Variants in ZFYVE9 observed in about 807,000 individuals in gnomAD.
ZFYVE9 encodes the protein zinc finger FYVE-type containing 9.
A neutral mutation model predicts 126.7 loss-of-function variants in ZFYVE9; 43 were observed. The ratio of observed to expected loss-of-function variants is 0.34; its 90% CI spans 0.27 to 0.44. The LOEUF (loss-of-function observed/expected upper bound fraction) is 0.44. Ranked by LOEUF, ZFYVE9 falls within the 20% of genes least tolerant of loss-of-function variation. The pLI is 1.00. For synonymous variants in ZFYVE9, 521 were observed against 597.4 expected (o/e 0.87, Z 1.87); for missense variants, 1,476 against 1,697.0 (o/e 0.87, Z 2.29).
At position 52,238,501 on chromosome 1, in the gene ZFYVE9, C is replaced by T; in HGVS notation, c.1084C>T (p.Leu362Phe). The T allele has an allele frequency of 6.2e-7, 1 of 1,614,068 alleles. No individual in the cohort carries two copies. The highest frequency in any genetic ancestry group is 8.5e-7 in the Non-Finnish European group (1 of 1,179,966). The part of the protein sequence containing the change: ...NNDCERCSDC[L>F]VPNEVRADEN... The stretch of plus-strand genomic sequence containing the variant: ...TGACTGTGAACGGTGTTCAGATTGC[C>T]TTGTGCCTAATGAAGTTAGGGCTGA... Residue 362 changes from leucine to phenylalanine, a missense_variant, in exon 4 of 19, where the codon CTT (leucine) becomes TTT (phenylalanine). Around this residue, in one of 2 missense-constraint regions of ZFYVE9, gnomAD observed 807 missense variants for 794.6 expected, o/e 1.02. Transcript: ENST00000287727.
chr1:52,304,164 G>T (rs1646060475), intron 13 of ZFYVE9, among the ~76,000 whole-genome samples: 2 of 152,046 alleles, frequency 1.3e-5, no homozygotes, highest in African/African-American at 4.8e-5. Context: ...ATTAGTATTA[G>T]ATTTGCATTT....
intron 4 of ZFYVE9, among the ~76,000 whole-genome samples, chr1:52,256,129 G>A (rs932610918): frequency 4.7e-5 from 7 of 149,568 alleles, no homozygotes; most frequent in African/African-American, 1.5e-4. Flanking sequence ...GCAATGGCGC[G>A]ATCTCAGCTC....
chr1:52,217,737 T>C (rs939331845), intron 2 of ZFYVE9, among the ~76,000 whole-genome samples: 1 of 152,174 alleles, frequency 6.6e-6, no homozygotes, highest in African/African-American at 2.4e-5. Flanking sequence ...TTTGGCTAAT[T>C]GATTTGCTAG....
chr1:52,163,248 A>G (rs1426798157), intron 1 of ZFYVE9, among the ~76,000 whole-genome samples: 2 of 152,158 alleles, frequency 1.3e-5, no homozygotes, highest in African/African-American at 4.8e-5. Flanking sequence ...TATCTTCAAC[A>G]TTTTTGGAAA....
intron 1 of ZFYVE9, among the ~76,000 whole-genome samples, chr1:52,147,204 A>G (rs1217860012): frequency 6.6e-6 from 1 of 152,216 alleles, no homozygotes. Flanking sequence ...CTCAACGCAT[A>G]AAGTATTTTC....
chr1:52,274,417 G>C, intron 7 of ZFYVE9, 47 bp from the exon 8 acceptor site: 1 of 1,516,010 alleles, frequency 6.6e-7, no homozygotes, highest in South Asian at 1.3e-5. Flanking sequence ...TCCTGCCAAA[G>C]TCTTGAATTC....
At chr1:52,217,858 C>T (rs560675694) in intron 2 of ZFYVE9, among the ~76,000 whole-genome samples, 2 of 152,134 alleles carry the variant, frequency 1.3e-5, no homozygotes, top group Non-Finnish European at 2.9e-5. Flanking sequence ...CCTTTTTTGG[C>T]CAACACCATG....
intron 10 of ZFYVE9, 64 bp from the exon 11 acceptor site, chr1:52,293,376 CAAAAAAAAAAAAA>C (rs376379860): frequency 5.0e-6 from 3 of 604,250 alleles, no homozygotes; most frequent in Admixed American, 5.4e-5. Flanking sequence ...GACTCCGTCT[CAAAAAAAAAAAAA>C]AAAAAAAAAG....
intron 4 of ZFYVE9, among the ~76,000 whole-genome samples, chr1:52,242,188 G>A (rs1645341307): frequency 6.6e-6 from 1 of 151,838 alleles, no homozygotes; most frequent in Non-Finnish European, 1.5e-5. Context: ...TGCGCCAACG[G>A]GCCTGGCTAG....
chr1:52,247,891 A>G lies in ZFYVE9; in HGVS notation c.2178+8296A>G, dbSNP rs187111357. On this transcript the variant is annotated intron_variant, in intron 4 of 18. Transcript: ENST00000287727. ...ACCATCTGTTTGTATGAATTTCACT[A>G]TTCTAGGTACCTCATATAAGAGTGG... Among the ~76,000 whole-genome samples the G allele has an allele frequency of 1.1e-3, 160 of 152,134 alleles. 2 individuals carry two copies. The highest frequency in any genetic ancestry group is 3.6e-3 in the African/African-American group (150 of 41,502).
At chr1:52,221,652 G>A (rs1030946834) in intron 2 of ZFYVE9, among the ~76,000 whole-genome samples, 3 of 152,138 alleles carry the variant, frequency 2.0e-5, no homozygotes, top group Non-Finnish European at 4.4e-5. Flanking sequence ...GGGTTACGGG[G>A]TCAAGGATTT....
chr1:52,298,806 GT>G (rs747544817), intron 12 of ZFYVE9, among the ~76,000 whole-genome samples: 1,269 of 109,158 alleles, frequency 0.012, 9 homozygotes, highest in African/African-American at 0.042. Flanking sequence ...CTTTGTCAAT[GT>G]TTTTTTTTTT....
intron 1 of ZFYVE9, among the ~76,000 whole-genome samples, chr1:52,194,108 C>T (rs556070925): frequency 1.5e-4 from 23 of 152,056 alleles, no homozygotes; most frequent in African/African-American, 5.1e-4. Flanking sequence ...GACTCCATCT[C>T]AAAAACAAAC....
At chr1:52,283,098 G>T (rs1445661258) in intron 10 of ZFYVE9, among the ~76,000 whole-genome samples, 1 of 152,106 alleles carries the variant, frequency 6.6e-6, no homozygotes, top group African/African-American at 2.4e-5. Flanking sequence ...AATGTATAGG[G>T]TTAAATCTGA....
At chr1:52,180,975 C>CAAA (rs746468501) in intron 1 of ZFYVE9, among the ~76,000 whole-genome samples, 9 of 53,266 alleles carry the variant, frequency 1.7e-4, no homozygotes, top group East Asian at 6.3e-4. Flanking sequence ...AACTCCGTCT[C>CAAA]AAAAAAAAAA....
At chr1:52,146,181 C>T (rs1052919623) in intron 1 of ZFYVE9, among the ~76,000 whole-genome samples, 1 of 152,060 alleles carries the variant, frequency 6.6e-6, no homozygotes, top group African/African-American at 2.4e-5. Context: ...TTAAAGTATA[C>T]AGGAGGATGT....
intron 8 of ZFYVE9, 128 bp from the exon 9 acceptor site, chr1:52,278,364 C>T (rs1381174588): frequency 2.5e-6 from 3 of 1,205,292 alleles, no homozygotes; most frequent in East Asian, 4.7e-5. Context: ...AAACCATGCT[C>T]TGTATGCACC....
chr1:52,201,183 T>A (rs1057140853), intron 1 of ZFYVE9, among the ~76,000 whole-genome samples: 4 of 152,306 alleles, frequency 2.6e-5, no homozygotes, highest in African/African-American at 9.6e-5. Context: ...TTTTTTCATA[T>A]AGATCTTGAA....
chr1:52,280,311 C>T (rs544120326), intron 9 of ZFYVE9, among the ~76,000 whole-genome samples: 4 of 149,640 alleles, frequency 2.7e-5, no homozygotes, highest in Non-Finnish European at 3.0e-5. Context: ...GCCCAGGAGA[C>T]GGAGGTTGCA....
Sources: gnomAD v4.1 joint callset for allele counts (sites outside exome capture counted in the v4.1 genomes callset) on GRCh38, gnomAD v4.1.1 for gene constraint, gnomAD v4.1.1 regional missense constraint, MANE v1.5 for transcripts, NCBI Gene and HGNC (gene_info 2026-07-23, HGNC 2026-07-21) for gene names.